Variants in PCCB observed in about 807,000 individuals in gnomAD.
The protein encoded by PCCB is propionyl-CoA carboxylase subunit beta, also known as propionyl-CoA carboxylase beta chain, mitochondrial.
Under a neutral mutation model 60.7 loss-of-function variants are expected in PCCB, and 43 were observed. The ratio of observed to expected loss-of-function variants is 0.71; its 90% CI spans 0.55 to 0.91. PCCB has a LOEUF of 0.91. PCCB is among the 40% of genes least tolerant of loss of function. The pLI is 0.00. For missense variants in PCCB, 766 were observed against 702.8 expected (o/e 1.09, Z -1.02); for synonymous variants, 276 against 255.9 (o/e 1.08, Z -0.75).
At chr3:136,284,732 G>T (rs980977772) in intron 6 of PCCB, among the ~76,000 whole-genome samples, 11 of 152,100 alleles carry the variant, frequency 7.2e-5, no homozygotes, top group Non-Finnish European at 1.3e-4. Context: ...CAACTATTCT[G>T]TTCTTAGTGA....
At chr3:136,295,860 C>G (rs1933909386) in intron 7 of PCCB, among the ~76,000 whole-genome samples, 1 of 149,570 alleles carries the variant, frequency 6.7e-6, no homozygotes, top group Non-Finnish European at 1.5e-5. Context: ...TACTTGACAG[C>G]TTAAAGTAAT....
intron 10 of PCCB, among the ~76,000 whole-genome samples, chr3:136,320,552 GCAACTT>G (rs2108230544): frequency 6.6e-6 from 1 of 152,244 alleles, no homozygotes; most frequent in Admixed American, 6.5e-5. Context: ...CTTGTAACTT[GCAACTT>G]TGCTGGGTTT....
chr3:136,321,133 T>C (rs539156296), intron 10 of PCCB, among the ~76,000 whole-genome samples: 1 of 152,328 alleles, frequency 6.6e-6, no homozygotes, highest in African/African-American at 2.4e-5. Flanking sequence ...TTTTCTTATG[T>C]TGAACTGCCT....
chr3:136,316,539 C>T (rs1934902289), intron 9 of PCCB, among the ~76,000 whole-genome samples: 1 of 152,156 alleles, frequency 6.6e-6, no homozygotes, highest in South Asian at 2.1e-4. Context: ...TGGTCTTGAA[C>T]TCCTGGCCTC....
At chr3:136,254,902 T>C (rs1373072513) in intron 1 of PCCB, among the ~76,000 whole-genome samples, 5 of 147,484 alleles carry the variant, frequency 3.4e-5, no homozygotes, top group African/African-American at 1.3e-4. Flanking sequence ...TGGGACGGAG[T>C]TTCACTTTGT....
At chr3:136,265,480 AGTTT>A (rs1250848975) in intron 5 of PCCB, among the ~76,000 whole-genome samples, 1 of 152,108 alleles carries the variant, frequency 6.6e-6, no homozygotes, top group Non-Finnish European at 1.5e-5. Flanking sequence ...AATATGTATC[AGTTT>A]GTTCCTTTTT....
chr3:136,268,093 T>G (rs61381365), intron 5 of PCCB, among the ~76,000 whole-genome samples: 22,661 of 85,336 alleles, frequency 0.27, 2,610 homozygotes, highest in Non-Finnish European at 0.31. Flanking sequence ...TGTAGATATA[T>G]ATATATATAT....
In PCCB at chr3:136,303,458, C is replaced by T. The variant is rs1235317861; in HGVS notation, c.966+2347C>T. Among the ~76,000 whole-genome samples, 2 of 121,970 alleles carry T rather than the reference C, an allele frequency of 1.6e-5. 1 individual carries two copies. The highest frequency in any genetic ancestry group is 3.6e-5 in the Non-Finnish European group (2 of 54,910). The allele number at this position is 121,970 out of a possible 152,430, so 80.0% of individuals were successfully genotyped here. ...TAGTAGATTTCTGAATACTAAACTT[C>T]CTTCATTCCTGAAGTTGTATATTCT... On this transcript the variant is annotated intron_variant, in intron 9 of 14. Coordinates refer to ENST00000251654, the MANE Select transcript of PCCB (RefSeq NM_000532.5).
At chr3:136,321,038 A>AT (rs1267919656) in intron 10 of PCCB, among the ~76,000 whole-genome samples, 7 of 152,058 alleles carry the variant, frequency 4.6e-5, no homozygotes, top group African/African-American at 1.7e-4. Flanking sequence ...AGGGTGTTGG[A>AT]TTTTGTCAAA....
At chr3:136,255,153 C>T (rs1489683090) in intron 1 of PCCB, among the ~76,000 whole-genome samples, 11 of 152,020 alleles carry the variant, frequency 7.2e-5, no homozygotes, top group East Asian at 1.9e-4. Flanking sequence ...GGATTACAGG[C>T]GTGAACCACC....
At chr3:136,324,176 C>A (rs1935213325) in intron 10 of PCCB, among the ~76,000 whole-genome samples, 1 of 151,978 alleles carries the variant, frequency 6.6e-6, no homozygotes. Context: ...GAACTCCTGT[C>A]CTTAAGAGAT....
At chr3:136,299,726 A>G (rs1027491232) in intron 8 of PCCB, among the ~76,000 whole-genome samples, 3 of 148,092 alleles carry the variant, frequency 2.0e-5, no homozygotes, top group Non-Finnish European at 4.5e-5. Context: ...GTATGTATGT[A>G]TATGCATGTG....
chr3:136,327,232 A>C lies in PCCB; in HGVS notation c.1276A>C (p.Lys426Gln), dbSNP rs970773829. The C allele has an allele frequency of 1.2e-5, 19 of 1,614,056 alleles. No individual in the cohort carries two copies. Among genetic ancestry groups the C allele is most frequent in the Non-Finnish European group, 1.5e-5 (18 of 1,179,904 alleles). ...LYAFAEATVP[K>Q]VTVITRKAYG... Reference sequence around the variant, plus strand: ...CGCATTTGCTGAGGCAACTGTACCCAAAGTCACAGTCATCACCAGGAAGGT... The same window carrying C: ...CGCATTTGCTGAGGCAACTGTACCCCAAGTCACAGTCATCACCAGGAAGGT... The change falls in exon 12 of 15, where the codon AAA (lysine) becomes CAA (glutamine). Residue 426 changes from lysine (K) to glutamine (Q), a missense_variant. Physicochemically the swap from Lys to Gln is moderately conservative, Grantham distance 53 (BLOSUM62 1). Coordinates refer to ENST00000251654, the MANE Select transcript of PCCB (RefSeq NM_000532.5).
Position 136,264,874 on chromosome 3 carries a change from C to CAAAAAA in PCCB, c.543+2825_543+2830dup, listed in dbSNP as rs1167305370. On this transcript the variant is annotated intron_variant, in intron 5 of 14. Coordinates refer to ENST00000251654, the MANE Select transcript of PCCB (RefSeq NM_000532.5). ...TGGGCGACAGAGCAAGACTCCGTCT[C>CAAAAAA]AAAAAAAAAAAAAAAAAAAAAGAGC... Among the ~76,000 whole-genome samples, 34 of 76,618 alleles carry CAAAAAA rather than the reference C, an allele frequency of 4.4e-4. No homozygotes were observed. In the East Asian group the frequency reaches 0.01, roughly 24 times the overall value. 50.3% of individuals were successfully genotyped at this position (76,618 alleles called of 152,430 possible).
rs1241363907 is a variant in PCCB, at chr3:136,262,023, A to G, written c.501A>G (p.Gln167=). ...ATGACTCTGGGGGAGCACGGATCCA[A>G]GAAGGAGTGGAGTCTTTGGCTGGCT... ...GLNDSGGARI[Q]EGVESLAGYA... The change falls in exon 5 of 15, where the codon CAA becomes CAG. Residue 167 remains glutamine (Q), a synonymous_variant. Transcript: ENST00000251654. 8 of 1,559,512 alleles carry G rather than the reference A, an allele frequency of 5.1e-6. No individual in the cohort carries two copies. The highest frequency in any genetic ancestry group is 7.0e-6 in the Non-Finnish European group (8 of 1,150,496).
chr3:136,274,660 A>G (rs1334887783), intron 5 of PCCB, among the ~76,000 whole-genome samples: 2 of 152,186 alleles, frequency 1.3e-5, no homozygotes, highest in African/African-American at 2.4e-5. Flanking sequence ...GCATTTGGAT[A>G]TTGAAATCTC....
chr3:136,291,841 T>C (rs553604147), intron 6 of PCCB, among the ~76,000 whole-genome samples: 1 of 152,294 alleles, frequency 6.6e-6, no homozygotes, highest in South Asian at 2.1e-4. Context: ...TGATTATCAC[T>C]GTGAGAACCT....
rs1390317726 is a variant in PCCB at position 136,283,833 on chromosome 3, G to A, written c.544-4G>A. ...CAGATGCTTTTGCTTTTCTGTTTTG[G>A]CAGAGGAATGTTACGGCATCCGGAG... On this transcript the variant is annotated splice_polypyrimidine_tract_variant and splice_region_variant and intron_variant, in intron 5 of 14. Transcript: ENST00000251654. 1 of 1,598,282 alleles carries A rather than the reference G, an allele frequency of 6.3e-7. No homozygotes were observed. The highest frequency in any genetic ancestry group is 1.3e-5 in the African/African-American group (1 of 74,506).
intron 3 of PCCB, 166 bp from the exon 4 acceptor site, chr3:136,260,313 A>G (rs1261522303): frequency 2.9e-6 from 2 of 694,494 alleles, no homozygotes; most frequent in East Asian, 2.7e-5. Context: ...CCTGGACTCA[A>G]GCCATCCACC....
Sources: gnomAD v4.1 joint callset for allele counts (sites outside exome capture counted in the v4.1 genomes callset) on GRCh38, gnomAD v4.1.1 for gene constraint, MANE v1.5 for transcripts, NCBI Gene and HGNC (gene_info 2026-07-23, HGNC 2026-07-21) for gene names.